TMEM30A: variants seen among roughly 807,000 people sequenced by gnomAD.
TMEM30A encodes the protein cell division cycle 50 P4-ATPase accessory subunit A.
TMEM30A carries 24 observed loss-of-function variants against 38.2 expected under a neutral mutation model. The observed-to-expected ratio is 0.63, with a 90% CI of 0.46 to 0.88. The LOEUF (loss-of-function observed/expected upper bound fraction) is 0.88, where lower values mean the gene tolerates loss of function less well. Among genes scored for constraint, TMEM30A ranks in the 40% least tolerant of loss-of-function variants. TMEM30A has a pLI of 0.00. For missense variants in TMEM30A, 370 were observed against 458.6 expected, an observed-to-expected ratio of 0.81 and a Z score of 1.77; for synonymous variants, 145 against 161.6, an observed-to-expected ratio of 0.90 and a Z score of 0.78.
At position 75,258,998 on chromosome 6, in the gene TMEM30A, T is replaced by A. The variant is rs1419734719; in HGVS notation, c.686-12A>T. The stretch of plus-strand genomic sequence containing the variant: ...AGGCTTTGTTGTACCTTAAAAGGAG[T>A]GGGGAGGGGATAAGGAGACAAAATA... On this transcript the variant is annotated splice_polypyrimidine_tract_variant and intron_variant, in intron 5 of 6. Transcript: ENST00000230461. 1 of 1,609,406 alleles carries A rather than the reference T, an allele frequency of 6.2e-7. No homozygotes were observed. The highest frequency in any genetic ancestry group is 8.5e-7 in the Non-Finnish European group (1 of 1,177,370).
rs1771818156 is a variant in TMEM30A, at chr6:75,253,569, A to C, written c.*2533T>G. 1 of 152,632 alleles carries C rather than the reference A, an allele frequency of 6.6e-6. No individual in the cohort carries two copies. Among genetic ancestry groups the C allele is most frequent in the South Asian group, 2.1e-4 (1 of 4,832 alleles). The allele number at this position is 152,632 out of a possible 1,614,324, so 9.5% of individuals were successfully genotyped here. On this transcript the variant is annotated 3_prime_UTR_variant, in exon 7 of 7. Coordinates refer to ENST00000230461, the MANE Select transcript of TMEM30A (RefSeq NM_018247.4). ...TTTAGTGCTAAATGTAAGCAACAAC[A>C]CTGGAGCATTGTTATTTTATCAAGA...
At chr6:75,260,784 G>T (rs763939967) in intron 4 of TMEM30A, 40 bp downstream of exon 4, 3 of 1,244,558 alleles carry the variant, frequency 2.4e-6, no homozygotes, top group Non-Finnish European at 3.3e-6. Context: ...TATGCAAATT[G>T]TCCTAATTAT....
intron 3 of TMEM30A, among the ~76,000 whole-genome samples, chr6:75,263,270 G>A (rs1263135211): frequency 6.6e-6 from 1 of 152,198 alleles, no homozygotes; most frequent in African/African-American, 2.4e-5. Context: ...TGCCAAGAGG[G>A]AGGATGATAT....
chr6:75,274,952 A>G lies in TMEM30A; in HGVS notation c.238-7204T>C, dbSNP rs866821689. 2.6e-5 allele frequency among the ~76,000 whole-genome samples: 4 copies of G among 151,286 alleles called. No individual in the cohort carries two copies. The Middle Eastern group carries it at 0.01, about 391-fold the overall frequency. ...CATGAACCTGGGAGGCGGAGCTTGCAGTAAGCCAAGATCGTGCCACTGCAC... is the reference window on the plus strand; with the variant it reads ...CATGAACCTGGGAGGCGGAGCTTGCGGTAAGCCAAGATCGTGCCACTGCAC... On this transcript the variant is annotated intron_variant, in intron 1 of 6. Coordinates refer to ENST00000230461, the MANE Select transcript of TMEM30A (RefSeq NM_018247.4).
rs1772428919 is a variant in TMEM30A at position 75,284,570 on chromosome 6, C to T, written c.69G>A (p.Ala23=). 1 of 1,613,292 alleles carries T rather than the reference C, an allele frequency of 6.2e-7. No homozygotes were observed. The change falls in exon 1 of 7, where the codon GCG becomes GCA. Residue 23 remains alanine (A), a synonymous_variant. Transcript: ENST00000230461. The part of the protein sequence containing the change: ...GGPPCAPGGT[A]KTRRPDNTAF... ...CCGTGTTATCCGGTCTCCGAGTCTT[C>T]GCGGTGCCCCCCGGAGCACACGGGG...
At chr6:75,262,924 A>G (rs892490420) in intron 3 of TMEM30A, among the ~76,000 whole-genome samples, 2 of 152,264 alleles carry the variant, frequency 1.3e-5, no homozygotes, top group Non-Finnish European at 2.9e-5. Context: ...GTAAACAGTG[A>G]TTAAAGAAAG....
chr6:75,262,215 C>T (rs142647107), intron 3 of TMEM30A, among the ~76,000 whole-genome samples: 55 of 152,046 alleles, frequency 3.6e-4, no homozygotes, highest in African/African-American at 1.3e-3. Context: ...GGCATGGTGG[C>T]GTGCACCTTT....
chr6:75,275,733 A>G, intron 1 of TMEM30A, among the ~76,000 whole-genome samples: 1 of 152,146 alleles, frequency 6.6e-6, no homozygotes, highest in Non-Finnish European at 1.5e-5. Context: ...TACTTGCAAT[A>G]GCCTCTTAAC....
chr6:75,284,360 T>C lies in TMEM30A; in HGVS notation c.237+42A>G, dbSNP rs1772419507. On this transcript the variant is annotated intron_variant, in intron 1 of 6. Transcript: ENST00000230461. ...GTGGAGTGGGCGCGTAGGACCCTCC[T>C]CCCGAGCAACGCCAACTCCCACCAC... 6 of 1,590,062 alleles carry C rather than the reference T, an allele frequency of 3.8e-6. No homozygotes were observed. In the Admixed American group the frequency reaches 1.0e-4, roughly 27 times the overall value.
chr6:75,258,626 T>C (rs1771908928), intron 6 of TMEM30A, among the ~76,000 whole-genome samples, 154 bp downstream of exon 6: 1 of 152,120 alleles, frequency 6.6e-6, no homozygotes, highest in Non-Finnish European at 1.5e-5. Context: ...AGACGTAAAT[T>C]TAAAAATACA....
At position 75,258,800 on chromosome 6, in the gene TMEM30A, T is replaced by G. The variant is rs771302586; in HGVS notation, c.872A>C (p.Tyr291Ser). Residue 291 changes from tyrosine to serine, a missense_variant, in exon 6 of 7, where the codon TAC (tyrosine) becomes TCC (serine). Coordinates refer to ENST00000230461, the MANE Select transcript of TMEM30A (RefSeq NM_018247.4). ...GATACTGTATGTGACATTCAAAGAG[T>G]ATCGGCCAGCTGGTAATGTTGGATG... ...DLHPTLPAGR[Y>S]SLNVTYNYPV... 1 of 1,613,682 alleles carries G rather than the reference T, an allele frequency of 6.2e-7. No individual in the cohort carries two copies. Among genetic ancestry groups the G allele is most frequent in the Non-Finnish European group, 8.5e-7 (1 of 1,179,776 alleles).
At chr6:75,262,812 A>G (rs932176182) in intron 3 of TMEM30A, among the ~76,000 whole-genome samples, 7 of 152,266 alleles carry the variant, frequency 4.6e-5, no homozygotes, top group Non-Finnish European at 1.0e-4. Flanking sequence ...CCCTTACAAA[A>G]CCAACTATCA....
intron 1 of TMEM30A, among the ~76,000 whole-genome samples, chr6:75,273,585 G>A (rs1210077807): frequency 2.0e-5 from 3 of 152,066 alleles, no homozygotes; most frequent in Admixed American, 2.0e-4. Context: ...TCTACAGGGA[G>A]AGAGTACAAA....
intron 3 of TMEM30A, among the ~76,000 whole-genome samples, chr6:75,263,496 C>CA (rs1224646463): frequency 6.6e-6 from 1 of 151,636 alleles, no homozygotes; most frequent in Non-Finnish European, 1.5e-5. Context: ...TGACTTGGAA[C>CA]AAAAAAATAA....
intron 1 of TMEM30A, among the ~76,000 whole-genome samples, chr6:75,283,008 A>G (rs1562402174): frequency 6.6e-6 from 1 of 152,190 alleles, no homozygotes; most frequent in Non-Finnish European, 1.5e-5. Flanking sequence ...TTGCAGGACT[A>G]TTAGGGAGAT....
At chr6:75,276,587 G>C (rs1018020891) in intron 1 of TMEM30A, among the ~76,000 whole-genome samples, 3 of 152,206 alleles carry the variant, frequency 2.0e-5, no homozygotes, top group Non-Finnish European at 4.4e-5. Context: ...GTGTTGAGTG[G>C]TGTGCGAGAC....
intron 4 of TMEM30A, among the ~76,000 whole-genome samples, chr6:75,260,420 GA>G (rs796519544): frequency 5.4e-4 from 80 of 149,016 alleles, no homozygotes; most frequent in Middle Eastern, 3.5e-3. Context: ...AAAGAAAAAG[GA>G]AAAAAAAAAA....
intron 1 of TMEM30A, among the ~76,000 whole-genome samples, chr6:75,280,737 T>C (rs1022782034): frequency 5.9e-5 from 9 of 152,276 alleles, no homozygotes; most frequent in African/African-American, 2.2e-4. Flanking sequence ...AGTCAGCTTC[T>C]AAGTAACTAA....
Position 75,260,804 on chromosome 6 carries a change from T to C in TMEM30A, c.541+20A>G, listed in dbSNP as rs368694518. On this transcript the variant is annotated intron_variant, in intron 4 of 6. Transcript: ENST00000230461. ...AAATTGTCCTAATTATATATGTCTATATTTGTATCTATATCATACCATTAA... is the reference window on the plus strand; with the variant it reads ...AAATTGTCCTAATTATATATGTCTACATTTGTATCTATATCATACCATTAA... The C allele has an allele frequency of 9.8e-5, 144 of 1,464,218 alleles. No individual in the cohort carries two copies. The highest frequency in any genetic ancestry group is 1.1e-4 in the Non-Finnish European group (122 of 1,083,070). The allele number at this position is 1,464,218 out of a possible 1,614,324, so 90.7% of individuals were successfully genotyped here.
Sources: gnomAD v4.1 joint callset for allele counts (sites outside exome capture counted in the v4.1 genomes callset) on GRCh38, gnomAD v4.1.1 for gene constraint, MANE v1.5 for transcripts, NCBI Gene and HGNC (gene_info 2026-07-23, HGNC 2026-07-21) for gene names.